The following CDKL2 variants were observed in gnomAD, a reference collection of about 807,000 sequenced individuals.
The protein encoded by CDKL2 is cyclin-dependent kinase-like 2.
A neutral mutation model predicts 63.9 loss-of-function variants in CDKL2; 64 were observed. The ratio of observed to expected loss-of-function variants is 1.00; its 90% CI spans 0.82 to 1.23. The LOEUF is 1.23. CDKL2 is among the 50% of genes most tolerant of loss of function. CDKL2 has a pLI of 0.00. For synonymous variants in CDKL2, 211 were observed against 229.2 expected (o/e 0.92, Z 0.72); for missense variants, 656 against 668.0 (o/e 0.98, Z 0.20).
intron 2 of CDKL2, among the ~76,000 whole-genome samples, chr4:75,615,095 T>A (rs1729876327): frequency 6.6e-6 from 1 of 151,930 alleles, no homozygotes; most frequent in Admixed American, 6.6e-5. Context: ...AATCTCTCAG[T>A]GAGGCAGTGT....
At chr4:75,608,085 G>A (rs553793680) in intron 3 of CDKL2, among the ~76,000 whole-genome samples, 2 of 144,308 alleles carry the variant, frequency 1.4e-5, no homozygotes, top group Admixed American at 7.0e-5. Context: ...GAAGTGCTGA[G>A]ATTACAGGCG....
intron 12 of CDKL2, among the ~76,000 whole-genome samples, chr4:75,587,612 T>C (rs1728528764): frequency 6.6e-6 from 1 of 151,822 alleles, no homozygotes; most frequent in Non-Finnish European, 1.5e-5. Context: ...CACTGTATAT[T>C]TTAAAGAAAT....
At chr4:75,594,878 T>C (rs532070458) in intron 10 of CDKL2, among the ~76,000 whole-genome samples, 18 of 152,302 alleles carry the variant, frequency 1.2e-4, no homozygotes, top group African/African-American at 4.1e-4. Context: ...AGAGGGTTGG[T>C]TGGAGTCAAT....
intron 5 of CDKL2, 88 bp from the exon 6 acceptor site, chr4:75,604,044 T>G: frequency 7.9e-7 from 1 of 1,271,098 alleles, no homozygotes; most frequent in Non-Finnish European, 1.1e-6. Flanking sequence ...GAGGAAATAG[T>G]GGAACACAGC....
rs1308814526 is a variant in CDKL2 at position 75,614,244 on chromosome 4, C to G, written c.363+11G>C. The G allele has an allele frequency of 6.5e-7, 1 of 1,532,724 alleles. No homozygotes were observed. Among genetic ancestry groups the G allele is most frequent in the African/African-American group, 1.4e-5 (1 of 72,454 alleles). The allele number at this position is 1,532,724 out of a possible 1,614,324, so 94.9% of individuals were successfully genotyped here. ...ATGTGATAAAGCAAATTATTTAAAC[C>G]CAATACTTACATTGTGACTGTGACA... On this transcript the variant is annotated intron_variant, in intron 3 of 13. Transcript: ENST00000307465.
intron 6 of CDKL2, among the ~76,000 whole-genome samples, chr4:75,600,839 A>G (rs1295823276): frequency 6.6e-6 from 1 of 152,230 alleles, no homozygotes; most frequent in Non-Finnish European, 1.5e-5. Flanking sequence ...GGTTGCTAGT[A>G]TCACAAAAAG....
chr4:75,613,572 G>A (rs1729796157), intron 3 of CDKL2, among the ~76,000 whole-genome samples: 1 of 152,054 alleles, frequency 6.6e-6, no homozygotes, highest in Non-Finnish European at 1.5e-5. Flanking sequence ...GCTTTTATAT[G>A]ATACTCAAAG....
intron 5 of CDKL2, among the ~76,000 whole-genome samples, chr4:75,605,091 C>T (rs1337280553): frequency 1.3e-5 from 2 of 152,204 alleles, no homozygotes; most frequent in Middle Eastern, 3.2e-3. Context: ...CGGTGGCTCA[C>T]GCCTGTAATC....
At chr4:75,579,824 CAAAT>C (rs1728182503) in intron 13 of CDKL2, among the ~76,000 whole-genome samples, 1 of 152,198 alleles carries the variant, frequency 6.6e-6, no homozygotes, top group South Asian at 2.1e-4. Context: ...TGAATTAACT[CAAAT>C]GAATGCATTG....
At chr4:75,598,536 G>C (rs1174599191) in intron 7 of CDKL2, among the ~76,000 whole-genome samples, 1 of 149,732 alleles carries the variant, frequency 6.7e-6, no homozygotes, top group Non-Finnish European at 1.5e-5. Context: ...AAACCAAAAT[G>C]TACTAGCAGT....
chr4:75,592,288 T>A lies in CDKL2; in HGVS notation c.1417-19A>T. 6.6e-7 allele frequency: 1 copy of A among 1,505,274 alleles called. No individual in the cohort carries two copies. The highest frequency in any genetic ancestry group is 8.8e-7 in the Non-Finnish European group (1 of 1,136,208). 93.2% of individuals were successfully genotyped at this position (1,505,274 alleles called of 1,614,324 possible). A position where few individuals can be genotyped will look rare whatever the true frequency, so the allele number is the denominator to read the frequency against. ...TAGAGACCTAATATCATCAACATAG[T>A]CAACAAAAAAGAATTAGTTTCAAGG... is the stretch of plus-strand genomic sequence containing the variant. On this transcript the variant is annotated intron_variant, in intron 10 of 13. Coordinates refer to ENST00000307465, the MANE Select transcript of CDKL2 (RefSeq NM_001330724.2).
chr4:75,606,372 G>A (rs977117934), intron 4 of CDKL2, among the ~76,000 whole-genome samples: 2 of 152,078 alleles, frequency 1.3e-5, no homozygotes, highest in African/African-American at 4.8e-5. Context: ...ATGCCACCAT[G>A]CCTGGCTAAT....
chr4:75,616,569 T>C (rs996916108), intron 2 of CDKL2, among the ~76,000 whole-genome samples: 1 of 151,302 alleles, frequency 6.6e-6, no homozygotes, highest in African/African-American at 2.4e-5. Context: ...TGAAGTAATA[T>C]CAATGAAGTA....
chr4:75,580,132 C>T (rs1327155609), intron 13 of CDKL2, among the ~76,000 whole-genome samples: 1 of 151,930 alleles, frequency 6.6e-6, no homozygotes, highest in Admixed American at 6.6e-5. Flanking sequence ...ATTAGCTGGG[C>T]GTGGTGGCAC....
chr4:75,606,639 AC>A (rs1367813814), intron 4 of CDKL2, among the ~76,000 whole-genome samples: 1 of 152,238 alleles, frequency 6.6e-6, no homozygotes, highest in East Asian at 1.9e-4. Flanking sequence ...ATAAAATGGC[AC>A]AAAAATTATA....
intron 3 of CDKL2, among the ~76,000 whole-genome samples, chr4:75,609,462 A>G (rs1729583619): frequency 6.6e-6 from 1 of 151,740 alleles, no homozygotes; most frequent in Non-Finnish European, 1.5e-5. Flanking sequence ...AAAATTAGCC[A>G]GGCACTATGG....
chr4:75,596,576 C>T (rs1218534275), intron 9 of CDKL2, among the ~76,000 whole-genome samples: 1 of 152,202 alleles, frequency 6.6e-6, no homozygotes, highest in Non-Finnish European at 1.5e-5. Context: ...CAGCAAAATT[C>T]CCAAATGGAG....
intron 10 of CDKL2, among the ~76,000 whole-genome samples, chr4:75,593,498 C>G (rs1158657051): frequency 4.6e-5 from 7 of 152,042 alleles, no homozygotes; most frequent in Non-Finnish European, 4.4e-5. Context: ...CACCTCCTCT[C>G]TTGATTACCT....
At chr4:75,627,455 G>A (rs886845901) in intron 1 of CDKL2, among the ~76,000 whole-genome samples, 3 of 152,016 alleles carry the variant, frequency 2.0e-5, no homozygotes, top group African/African-American at 7.2e-5. Context: ...TATTTTCATA[G>A]AGATGGGGTT....
Sources: gnomAD v4.1 joint callset for allele counts (sites outside exome capture counted in the v4.1 genomes callset) on GRCh38, gnomAD v4.1.1 for gene constraint, MANE v1.5 for transcripts, NCBI Gene and HGNC (gene_info 2026-07-23, HGNC 2026-07-21) for gene names.